ATP2B4: variants seen among roughly 807,000 people sequenced by gnomAD.
ATP2B4 encodes ATPase plasma membrane Ca2+ transporting 4, also known as plasma membrane calcium-transporting ATPase 4.
ATP2B4 carries 39 observed loss-of-function variants against 110.3 expected under a neutral mutation model. That is an observed-to-expected ratio of 0.35 (90% CI 0.27 to 0.46). ATP2B4 has a LOEUF of 0.46. ATP2B4 is among the 20% of genes least tolerant of loss of function. The probability of loss-of-function intolerance (pLI) is 1.00; values close to 1 mark genes in which losing one functional copy is unlikely to be tolerated. For synonymous variants in ATP2B4, 538 were observed against 571.7 expected (o/e 0.94, Z 0.84); for missense variants, 1,135 against 1,530.9 (o/e 0.74, Z 4.32).
intron 1 of ATP2B4, among the ~76,000 whole-genome samples, chr1:203,674,974 G>T (rs939840157): frequency 6.6e-6 from 1 of 152,164 alleles, no homozygotes; most frequent in South Asian, 2.1e-4. Flanking sequence ...CTCCCAAAGT[G>T]CTGGGATTAC....
Position 203,632,492 on chromosome 1 carries a change from T to C in ATP2B4, c.-465+5273T>C, listed in dbSNP as rs541387727. 4.2e-3 allele frequency among the ~76,000 whole-genome samples: 637 copies of C among 151,616 alleles called. 3 individuals carry two copies. The highest frequency in any genetic ancestry group is 7.1e-3 in the Non-Finnish European group (483 of 67,828). ...CTGAGTAGCTGGGACTACAGGCGCCTGCCACCACGCCCGGCTAATTTTTTG... is the reference window on the plus strand; with the variant it reads ...CTGAGTAGCTGGGACTACAGGCGCCCGCCACCACGCCCGGCTAATTTTTTG... On this transcript the variant is annotated intron_variant, in intron 1 of 20. Coordinates refer to ENST00000357681, the MANE Select transcript of ATP2B4 (RefSeq NM_001684.5).
chr1:203,696,725 G>A lies in ATP2B4; in HGVS notation c.194-1432G>A, dbSNP rs151234503. On this transcript the variant is annotated intron_variant, in intron 2 of 20. Coordinates refer to ENST00000357681, the MANE Select transcript of ATP2B4 (RefSeq NM_001684.5). ...TTCTGCCTATCTCTTGTCCCTCTGG[G>A]AAAGTGCGTAGAGAGTAGGTGTGGT... is the stretch of plus-strand genomic sequence containing the variant. 2.4e-3 allele frequency among the ~76,000 whole-genome samples: 368 copies of A among 152,294 alleles called. 1 individual carries two copies. The highest frequency in any genetic ancestry group is 3.2e-3 in the Non-Finnish European group (220 of 68,022).
In ATP2B4 at chr1:203,720,644, A is replaced by C. The variant is rs2102213526; in HGVS notation, c.2502A>C (p.Arg834=). Residue 834 remains arginine (R), a synonymous_variant, in exon 16 of 21, where the codon CGA becomes CGC. Transcript: ENST00000357681. ...TSIVKAVMWG[R]NVYDSISKFL... is the part of the protein sequence containing the mutation. ...TTGTGAAGGCAGTGATGTGGGGACGAAATGTCTATGACAGCATCTCCAAGT... is the reference window on the plus strand; with the variant it reads ...TTGTGAAGGCAGTGATGTGGGGACGCAATGTCTATGACAGCATCTCCAAGT... 4 of 1,614,168 alleles carry C rather than the reference A, an allele frequency of 2.5e-6. No individual in the cohort carries two copies. In the East Asian group the frequency reaches 8.9e-5, roughly 36 times the overall value.
At chr1:203,716,093 A>G (rs533027215) in intron 15 of ATP2B4, among the ~76,000 whole-genome samples, 2 of 144,768 alleles carry the variant, frequency 1.4e-5, no homozygotes, top group African/African-American at 5.0e-5. Flanking sequence ...TAGGATCTCT[A>G]TGTTGGGAGT....
intron 1 of ATP2B4, among the ~76,000 whole-genome samples, chr1:203,632,984 A>G (rs573059343): frequency 1.3e-5 from 2 of 152,242 alleles, no homozygotes; most frequent in African/African-American, 4.8e-5. Context: ...TAGTACCTGG[A>G]TTTTTATTTC....
In ATP2B4 at chr1:203,712,026, A is replaced by G. The variant is rs1404577280; in HGVS notation, c.2098A>G (p.Ile700Val). ...ITVRMVTGDN[I>V]NTARAIATKC... ...TGTCAGAATGGTGACAGGTGACAACATCAACACAGCCCGGGCCATTGCCAC... is the reference window on the plus strand; with the variant it reads ...TGTCAGAATGGTGACAGGTGACAACGTCAACACAGCCCGGGCCATTGCCAC... Residue 700 changes from isoleucine (I) to valine (V), a missense_variant, in exon 13 of 21, where the codon ATC becomes GTC. Physicochemically the swap from Ile to Val is conservative, Grantham distance 29. Transcript: ENST00000357681. 2 of 1,614,058 alleles carry G rather than the reference A, an allele frequency of 1.2e-6. No homozygotes were observed. Among genetic ancestry groups the G allele is most frequent in the Admixed American group, 1.7e-5 (1 of 59,994 alleles).
In ATP2B4 at chr1:203,740,449, T is replaced by TC. The variant is rs1341178439; in HGVS notation, c.*595_*596insC. On this transcript the variant is annotated 3_prime_UTR_variant, in exon 21 of 21. Coordinates refer to ENST00000357681, the MANE Select transcript of ATP2B4 (RefSeq NM_001684.5). Reference sequence around the variant, plus strand: ...TGTCTTCCCTTCCTTTCCTTTTTTTTTTTTTTTTTTATGATGATTAAGAAA... The same window carrying TC: ...TGTCTTCCCTTCCTTTCCTTTTTTTTCTTTTTTTTTTATGATGATTAAGAAA... 3 of 151,776 alleles carry TC rather than the reference T, an allele frequency of 2.0e-5. No homozygotes were observed. The highest frequency in any genetic ancestry group is 7.3e-5 in the African/African-American group (3 of 41,326). 9.4% of individuals were successfully genotyped at this position (151,776 alleles called of 1,614,324 possible).
At chr1:203,701,099 G>A (rs961726509) in intron 6 of ATP2B4, among the ~76,000 whole-genome samples, 176 bp downstream of exon 6, 5 of 151,866 alleles carry the variant, frequency 3.3e-5, no homozygotes, top group African/African-American at 4.8e-5. Context: ...AGGGAGCTCT[G>A]ATGAAAACCA....
At chr1:203,713,531 C>G (rs528554435) in intron 14 of ATP2B4, among the ~76,000 whole-genome samples, 4 of 152,198 alleles carry the variant, frequency 2.6e-5, no homozygotes, top group African/African-American at 9.6e-5. Flanking sequence ...GTGGTGCAAT[C>G]TCAGCTCACT....
intron 20 of ATP2B4, among the ~76,000 whole-genome samples, chr1:203,732,231 G>A (rs534862054): frequency 9.3e-4 from 141 of 151,948 alleles, no homozygotes; most frequent in African/African-American, 3.4e-3. Context: ...GAGGAACAGG[G>A]CACTGAAAAC....
Position 203,727,632 on chromosome 1 carries a change from T to G in ATP2B4, c.3309+61T>G, listed in dbSNP as rs547765107. 8 of 1,596,524 alleles carry G rather than the reference T, an allele frequency of 5.0e-6. No homozygotes were observed. In the East Asian group the frequency reaches 1.6e-4, roughly 31 times the overall value. ...AGCAGCTTCCCATCTTGGAAGGTGT[T>G]GGGAGGGTAGCAGTTCTTGTCGGCC... is the stretch of plus-strand genomic sequence containing the variant. On this transcript the variant is annotated intron_variant, in intron 20 of 20. Transcript: ENST00000357681.
At position 203,707,963 on chromosome 1, in the gene ATP2B4, G is replaced by A. The variant is rs374052416; in HGVS notation, c.1416G>A (p.Met472Ile). 6.2e-7 allele frequency: 1 copy of A among 1,614,178 alleles called. No homozygotes were observed. Among genetic ancestry groups the A allele is most frequent in the Admixed American group, 1.7e-5 (1 of 60,012 alleles). The stretch of plus-strand genomic sequence containing the variant: ...CTGATAAGACAGGCACGTTGACCAT[G>A]AACCGCATGACTGTGGTACAAGCTT... ...ICSDKTGTLT[M>I]NRMTVVQAYI... The change falls in exon 10 of 21, where the codon ATG becomes ATA. Residue 472 changes from methionine (M) to isoleucine (I), a missense_variant. Met to Ile is a conservative substitution (Grantham distance 10). Coordinates refer to ENST00000357681, the MANE Select transcript of ATP2B4 (RefSeq NM_001684.5).
rs1043000668 is a variant in ATP2B4, at chr1:203,712,050, A to G, written c.2122A>G (p.Thr708Ala). 2 of 1,614,068 alleles carry G rather than the reference A, an allele frequency of 1.2e-6. No individual in the cohort carries two copies. The highest frequency in any genetic ancestry group is 1.7e-6 in the Non-Finnish European group (2 of 1,180,020). ...DNINTARAIA[T>A]KCGILTPGDD... ...CATCAACACAGCCCGGGCCATTGCC[A>G]CCAAATGTGGCATTCTGACACCTGG... Residue 708 changes from threonine (T) to alanine (A), a missense_variant, in exon 13 of 21, where the codon ACC becomes GCC. By Grantham distance (58) the Thr-to-Ala change is moderately conservative. Transcript: ENST00000357681.
intron 8 of ATP2B4, 59 bp downstream of exon 8, chr1:203,703,872 T>G: frequency 6.4e-7 from 1 of 1,568,128 alleles, no homozygotes; most frequent in South Asian, 1.2e-5. Flanking sequence ...CTCATCACTT[T>G]TATCCCCTTC....
intron 1 of ATP2B4, among the ~76,000 whole-genome samples, chr1:203,677,974 G>A (rs1007127028): frequency 2.0e-5 from 3 of 152,244 alleles, no homozygotes; most frequent in Admixed American, 1.3e-4. Flanking sequence ...GGGCAGGGAA[G>A]TGTCTGCTCC....
intron 1 of ATP2B4, among the ~76,000 whole-genome samples, chr1:203,663,707 C>T (rs930187958): frequency 2.0e-5 from 3 of 151,808 alleles, no homozygotes; most frequent in African/African-American, 7.3e-5. Context: ...TGGGCTCAAG[C>T]AATCTTCCCT....
chr1:203,687,208 T>TA (rs1665221019), intron 2 of ATP2B4, among the ~76,000 whole-genome samples: 1 of 148,888 alleles, frequency 6.7e-6, no homozygotes, highest in Admixed American at 6.8e-5. Context: ...AGTGACGTCC[T>TA]AGTGTGTAAG....
At chr1:203,656,822 A>G (rs1040126268) in intron 1 of ATP2B4, 4 of 312,954 alleles carry the variant, frequency 1.3e-5, no homozygotes, top group African/African-American at 8.7e-5. Context: ...AACAAAGACC[A>G]TTTATAAAAC....
intron 19 of ATP2B4, among the ~76,000 whole-genome samples, chr1:203,725,492 A>G (rs1264340654): frequency 6.6e-6 from 1 of 152,220 alleles, no homozygotes; most frequent in African/African-American, 2.4e-5. Flanking sequence ...GGCAAGTTAC[A>G]TAACCAATCT....
Sources: allele counts gnomAD v4.1 joint callset (sites outside exome capture counted in the v4.1 genomes callset), GRCh38; gene constraint gnomAD v4.1.1; transcripts MANE v1.5; gene names NCBI Gene and HGNC (gene_info 2026-07-23, HGNC 2026-07-21).